Variants in PCDH15 observed in about 807,000 individuals in gnomAD.
PCDH15 encodes protocadherin-15.
A neutral mutation model predicts 178.5 loss-of-function variants in PCDH15; 129 were observed. That is an observed-to-expected ratio of 0.72 (90% CI 0.63 to 0.84). The LOEUF (loss-of-function observed/expected upper bound fraction) is 0.84, where lower values mean the gene tolerates loss of function less well. Ranked by LOEUF, PCDH15 falls within the 40% of genes least tolerant of loss-of-function variation. PCDH15 has a pLI of 0.00. For missense variants in PCDH15, 2,230 were observed against 2,099.9 expected, an observed-to-expected ratio of 1.06 and a Z score of -1.21; for synonymous variants, 800 against 732.0, an observed-to-expected ratio of 1.09 and a Z score of -1.50.
chr10:54,246,931 G>C (rs1277022173), intron 8 of PCDH15, among the ~76,000 whole-genome samples: 2 of 151,832 alleles, frequency 1.3e-5, no homozygotes, highest in African/African-American at 2.4e-5. Flanking sequence ...ACTGTTTGAT[G>C]ATCTTGGACA....
intron 2 of PCDH15, among the ~76,000 whole-genome samples, chr10:54,543,841 T>C (rs2085534353): frequency 6.6e-6 from 1 of 152,138 alleles, no homozygotes; most frequent in Non-Finnish European, 1.5e-5. Context: ...CCGCTGTTGC[T>C]CACCAAACAG....
At chr10:54,510,420 G>A (rs964964452) in intron 3 of PCDH15, among the ~76,000 whole-genome samples, 2 of 152,138 alleles carry the variant, frequency 1.3e-5, no homozygotes, top group Non-Finnish European at 2.9e-5. Flanking sequence ...CTCTCTACTT[G>A]GGTACAGAGC....
intron 2 of PCDH15, among the ~76,000 whole-genome samples, chr10:54,555,736 C>CAAAAAAAAAAAAAAAAAGAAAAA (rs2087148642): frequency 1.4e-5 from 1 of 73,398 alleles, no homozygotes; most frequent in Non-Finnish European, 2.7e-5. Flanking sequence ...GACTCTGTCT[C>CAAAAAAAAAAAAAAAAAGAAAAA]AAAAAAAAAA....
intron 3 of PCDH15, among the ~76,000 whole-genome samples, chr10:54,399,225 C>T (rs1405887282): frequency 9.2e-5 from 14 of 151,862 alleles, no homozygotes; most frequent in Admixed American, 9.2e-4. Context: ...TTGCAGACAA[C>T]TTTTGTAGGA....
At chr10:54,758,877 G>T (rs2133109502) in intron 1 of PCDH15, among the ~76,000 whole-genome samples, 1 of 152,254 alleles carries the variant, frequency 6.6e-6, no homozygotes, top group African/African-American at 2.4e-5. Context: ...TTCTCTTTAT[G>T]ATTTCATCTT....
chr10:54,242,595 C>A (rs1429241519), intron 8 of PCDH15, among the ~76,000 whole-genome samples: 2 of 152,058 alleles, frequency 1.3e-5, no homozygotes, highest in African/African-American at 4.8e-5. Flanking sequence ...ATCATTTACA[C>A]AAGTTGATGG....
At chr10:54,664,126 T>C (rs2094532996) in intron 2 of PCDH15, 46 bp downstream of exon 2, 4 of 1,405,366 alleles carry the variant, frequency 2.8e-6, no homozygotes, top group Middle Eastern at 1.8e-4. Flanking sequence ...AATGTAATAA[T>C]AAAAATCCTG....
At chr10:55,069,194 C>A (rs1033746440) in intron 2 of PCDH15, among the ~76,000 whole-genome samples, 1 of 151,548 alleles carries the variant, frequency 6.6e-6, no homozygotes, top group Admixed American at 6.6e-5. Flanking sequence ...AGCCACTGCA[C>A]CCAGACTGTA....
At chr10:55,319,995 T>C (rs896307685), upstream of PCDH15, among the ~76,000 whole-genome samples, 4 of 152,258 alleles carry the variant, frequency 2.6e-5, no homozygotes, top group African/African-American at 9.6e-5. Flanking sequence ...CCCTGTCTGC[T>C]GGCCTCTCCC....
At chr10:53,904,621 C>T (rs2082548330) in intron 25 of PCDH15, among the ~76,000 whole-genome samples, 1 of 152,038 alleles carries the variant, frequency 6.6e-6, no homozygotes, top group African/African-American at 2.4e-5. Flanking sequence ...ATCATGCTAG[C>T]GCAACAGATT....
At chr10:55,079,078 CT>C (rs1029494793) in intron 2 of PCDH15, among the ~76,000 whole-genome samples, 2 of 151,940 alleles carry the variant, frequency 1.3e-5, no homozygotes, top group African/African-American at 4.8e-5. Flanking sequence ...ATTTAGAATC[CT>C]TTTTTATTCT....
At chr10:54,715,852 G>A (rs1357161360) in intron 1 of PCDH15, among the ~76,000 whole-genome samples, 2 of 152,114 alleles carry the variant, frequency 1.3e-5, no homozygotes, top group African/African-American at 4.8e-5. Context: ...ATATTTGCAG[G>A]CATTTGACAC....
intron 14 of PCDH15, among the ~76,000 whole-genome samples, chr10:54,143,586 A>G (rs2043604319): frequency 6.6e-6 from 1 of 152,218 alleles, no homozygotes; most frequent in Non-Finnish European, 1.5e-5. Flanking sequence ...TTAACCCAAC[A>G]TGAAGCAGAG....
chr10:55,067,519 T>A (rs1300249827), intron 2 of PCDH15, among the ~76,000 whole-genome samples: 1 of 152,066 alleles, frequency 6.6e-6, no homozygotes, highest in East Asian at 1.9e-4. Flanking sequence ...TTTGTTATTG[T>A]GAATAGTGGT....
chr10:54,231,542 G>C lies in PCDH15; in HGVS notation c.985+5281C>G, dbSNP rs558222384. 4.1e-3 allele frequency among the ~76,000 whole-genome samples: 617 copies of C among 152,336 alleles called. 7 individuals carry two copies. Among genetic ancestry groups the C allele is most frequent in the Middle Eastern group, 0.01 (3 of 294 alleles). On this transcript the variant is annotated intron_variant, in intron 9 of 37. Transcript: ENST00000644397. Reference sequence around the variant, plus strand: ...CACTGGGGCACTGCCTATTGGAGCTGTGAGAAGAAGGCAACTATTCTCCAG... The same window carrying C: ...CACTGGGGCACTGCCTATTGGAGCTCTGAGAAGAAGGCAACTATTCTCCAG...
intron 2 of PCDH15, among the ~76,000 whole-genome samples, chr10:55,371,229 C>T (rs147653655): frequency 6.6e-6 from 1 of 152,056 alleles, no homozygotes; most frequent in African/African-American, 2.4e-5. Flanking sequence ...CTACTACAGA[C>T]TGATTATTCT....
chr10:55,290,024 T>G (rs1842968611), intron 1 of PCDH15, among the ~76,000 whole-genome samples: 2 of 150,974 alleles, frequency 1.3e-5, no homozygotes, highest in Admixed American at 1.3e-4. Flanking sequence ...ACCTGAGTCA[T>G]GTTCTTGAAC....
intron 2 of PCDH15, among the ~76,000 whole-genome samples, chr10:55,573,717 G>A (rs1589148382): frequency 6.6e-6 from 1 of 151,962 alleles, no homozygotes; most frequent in South Asian, 2.1e-4. Context: ...TTCACACTAA[G>A]CCAATAAGGT....
chr10:55,013,220 A>G (rs564432251), intron 2 of PCDH15, among the ~76,000 whole-genome samples: 1 of 152,264 alleles, frequency 6.6e-6, no homozygotes, highest in East Asian at 1.9e-4. Context: ...CTTTTGCATG[A>G]GATGATATGA....
Sources: gnomAD v4.1 joint callset for allele counts (sites outside exome capture counted in the v4.1 genomes callset) on GRCh38, gnomAD v4.1.1 for gene constraint, MANE v1.5 for transcripts, NCBI Gene and HGNC (gene_info 2026-07-23, HGNC 2026-07-21) for gene names.